The following BLM variants were observed in gnomAD, a reference collection of about 807,000 sequenced individuals.
The protein encoded by BLM is BLM RecQ like helicase.
A neutral mutation model predicts 135.3 loss-of-function variants in BLM; 95 were observed. That is an observed-to-expected ratio of 0.70 (90% CI 0.59 to 0.83). The LOEUF is 0.83. Among genes scored for constraint, BLM ranks in the 40% least tolerant of loss-of-function variants. The pLI is 0.00. For synonymous variants in BLM, 520 were observed against 589.2 expected, an observed-to-expected ratio of 0.88 and a Z score of 1.70; for missense variants, 1,518 against 1,663.9, an observed-to-expected ratio of 0.91 and a Z score of 1.53.
chr15:90,751,965 T>C lies in BLM; in HGVS notation c.959+19T>C, dbSNP rs2151149831. Reference sequence around the variant, plus strand: ...GCCTTAGGTAAACTAGCTAAATAATTAGCATTATTATTTGTTTCTGGGATA... The same window carrying C: ...GCCTTAGGTAAACTAGCTAAATAATCAGCATTATTATTTGTTTCTGGGATA... On this transcript the variant is annotated intron_variant, in intron 4 of 21. Transcript: ENST00000355112. The C allele has an allele frequency of 6.4e-7, 1 of 1,569,332 alleles. No homozygotes were observed. The highest frequency in any genetic ancestry group is 2.2e-5 in the East Asian group (1 of 44,554).
chr15:90,739,833 A>G (rs981373115), intron 1 of BLM, among the ~76,000 whole-genome samples: 3 of 152,226 alleles, frequency 2.0e-5, no homozygotes, highest in Non-Finnish European at 2.9e-5. Flanking sequence ...TGGTGCAATC[A>G]CAGCTCACTG....
intron 19 of BLM, chr15:90,808,787 C>G (rs1244911308): frequency 5.2e-6 from 2 of 385,758 alleles, no homozygotes; most frequent in Admixed American, 7.8e-5. Flanking sequence ...AGAGAGGGCA[C>G]ACCAGTCTCA....
chr15:90,721,387 C>T (rs917600852), intron 1 of BLM, among the ~76,000 whole-genome samples: 2 of 151,978 alleles, frequency 1.3e-5, no homozygotes, highest in Admixed American at 6.6e-5. Context: ...AGTGCAGTGG[C>T]GTGATCTCAG....
intron 17 of BLM, among the ~76,000 whole-genome samples, chr15:90,802,801 AATAATGTAAAGAGTGTC>A (rs1426555836): frequency 6.6e-6 from 1 of 152,078 alleles, no homozygotes; most frequent in Non-Finnish European, 1.5e-5. Flanking sequence ...AATATTATAA[AATAATGTAAAGAGTGTC>A]ATTGGATTGT....
At chr15:90,749,274 A>G in intron 2 of BLM, 93 bp from the exon 3 acceptor site, 1 of 856,986 alleles carries the variant, frequency 1.2e-6, no homozygotes, top group East Asian at 2.6e-5. Context: ...AATTAATGTA[A>G]CCTGTGTGAA....
intron 1 of BLM, among the ~76,000 whole-genome samples, chr15:90,718,760 G>T (rs987799173): frequency 6.6e-6 from 1 of 151,910 alleles, no homozygotes; most frequent in Non-Finnish European, 1.5e-5. Context: ...TATTTCCTTC[G>T]TTTTACTGAG....
At chr15:90,770,923 C>G (rs535008321) in intron 12 of BLM, among the ~76,000 whole-genome samples, 1 of 152,286 alleles carries the variant, frequency 6.6e-6, no homozygotes, top group Admixed American at 6.5e-5. Flanking sequence ...TGATCTAAAT[C>G]AAGGAATTCA....
Position 90,769,247 on chromosome 15 carries a change from T to C in BLM, c.2406+16T>C, listed in dbSNP as rs760571382. 12 of 1,589,950 alleles carry C rather than the reference T, an allele frequency of 7.5e-6. No homozygotes were observed. In the South Asian group the frequency reaches 1.3e-4, roughly 18 times the overall value. On this transcript the variant is annotated intron_variant, in intron 11 of 21. Coordinates refer to ENST00000355112, the MANE Select transcript of BLM (RefSeq NM_000057.4). The stretch of plus-strand genomic sequence containing the variant: ...TGTCAGTCAGGTAAATACTGTTTTT[T>C]ATATCCGGAAATACCGATAAATACA...
At chr15:90,793,674 T>C (rs1054324613) in intron 15 of BLM, 5 of 152,506 alleles carry the variant, frequency 3.3e-5, no homozygotes, top group African/African-American at 9.6e-5. Flanking sequence ...GCTAATAATT[T>C]GGGTGATGTT....
At chr15:90,794,127 C>T (rs946420218) in intron 15 of BLM, 40 bp from the exon 16 acceptor site, 1 of 1,438,064 alleles carries the variant, frequency 7.0e-7, no homozygotes, top group Non-Finnish European at 9.7e-7. Context: ...TCTATTTTTC[C>T]CCTATAAGTA....
At chr15:90,765,162 T>G (rs772699041) in intron 8 of BLM, 134 bp from the exon 9 acceptor site, 20 of 760,738 alleles carry the variant, frequency 2.6e-5, no homozygotes, top group Non-Finnish European at 2.4e-5. Flanking sequence ...TTGAGTCATT[T>G]GAGTATGGCA....
chr15:90,749,573 G>T lies in BLM; in HGVS notation c.305G>T (p.Gly102Val), dbSNP rs1186813751. Residue 102 changes from glycine (G) to valine (V), a missense_variant, in exon 3 of 22, where the codon GGT (glycine) becomes GTT (valine). Gly to Val is a moderately radical substitution (Grantham distance 109, BLOSUM62 -3). Transcript: ENST00000355112. ...NAPAGQETQR[G>V]GSKSLLPDFL... ...CCAGCAGGACAGGAAACACAGAGAGGTGGATCAAAATCATTATTGCCAGAT... is the reference window on the plus strand; with the variant it reads ...CCAGCAGGACAGGAAACACAGAGAGTTGGATCAAAATCATTATTGCCAGAT... 3 of 1,614,156 alleles carry T rather than the reference G, an allele frequency of 1.9e-6. No homozygotes were observed. Among genetic ancestry groups the T allele is most frequent in the Non-Finnish European group, 2.5e-6 (3 of 1,180,038 alleles).
intron 1 of BLM, among the ~76,000 whole-genome samples, chr15:90,718,359 A>G (rs1415275481): frequency 6.6e-6 from 1 of 152,222 alleles, no homozygotes; most frequent in African/African-American, 2.4e-5. Flanking sequence ...GCTTTCTCCT[A>G]TAGCCCTCAC....
At chr15:90,738,604 A>AAAAG (rs1895283194) in intron 1 of BLM, among the ~76,000 whole-genome samples, 1 of 129,770 alleles carries the variant, frequency 7.7e-6, no homozygotes, top group South Asian at 2.6e-4. Context: ...CAAAACAAAA[A>AAAAG]CTCATACAGC....
At chr15:90,795,616 A>G (rs138886022) in intron 16 of BLM, among the ~76,000 whole-genome samples, 56 of 152,174 alleles carry the variant, frequency 3.7e-4, no homozygotes, top group Middle Eastern at 3.4e-3. Flanking sequence ...TCCCTTAAAC[A>G]TTGCTATCAG....
At chr15:90,796,685 G>C (rs758503019) in intron 16 of BLM, among the ~76,000 whole-genome samples, 7 of 152,136 alleles carry the variant, frequency 4.6e-5, no homozygotes, top group Admixed American at 1.3e-4. Context: ...TTCGAGCTTT[G>C]TGGCCACGTA....
At chr15:90,766,847 G>C in intron 9 of BLM, 63 bp from the exon 10 acceptor site, 1 of 1,058,970 alleles carries the variant, frequency 9.4e-7, no homozygotes, top group Non-Finnish European at 1.4e-6. Flanking sequence ...AAAACCTAAG[G>C]ACAAATGTAA....
rs7183327 is a variant in BLM at position 90,750,422 on chromosome 15, A to G, written c.799+355A>G. Among the ~76,000 whole-genome samples the G allele has an allele frequency of 3.4e-3, 517 of 152,320 alleles. 2 individuals are homozygous for G. The highest frequency in any genetic ancestry group is 0.012 in the African/African-American group (493 of 41,572). On this transcript the variant is annotated intron_variant, in intron 3 of 21. Coordinates refer to ENST00000355112, the MANE Select transcript of BLM (RefSeq NM_000057.4). ...CTCTTGCGCTTTGGGACCATTATTA[A>G]GAAAACACAAGCCCTGCAATACCGC...
At chr15:90,789,842 T>C (rs1016359650) in intron 14 of BLM, among the ~76,000 whole-genome samples, 4 of 152,276 alleles carry the variant, frequency 2.6e-5, no homozygotes, top group East Asian at 3.9e-4. Context: ...CCTGGAGATA[T>C]AACATTTTGG....
Sources: allele counts gnomAD v4.1 joint callset (sites outside exome capture counted in the v4.1 genomes callset), GRCh38; gene constraint gnomAD v4.1.1; transcripts MANE v1.5; gene names NCBI Gene and HGNC (gene_info 2026-07-23, HGNC 2026-07-21).